The following KCNMA1 variants were observed in gnomAD, a reference collection of about 807,000 sequenced individuals.
The protein encoded by KCNMA1 is Calcium-activated potassium channel subunit alpha-1.
A neutral mutation model predicts 140.0 loss-of-function variants in KCNMA1; 29 were observed. That is an observed-to-expected ratio of 0.21 (90% CI 0.15 to 0.28). The LOEUF (loss-of-function observed/expected upper bound fraction) is 0.28, where lower values mean the gene tolerates loss of function less well. KCNMA1 is among the 10% of genes least tolerant of loss of function. The pLI is 1.00. For missense variants in KCNMA1, 880 were observed against 1,602.2 expected (o/e 0.55, Z 7.70); for synonymous variants, 612 against 611.9 (o/e 1.00, Z 0.00).
intron 1 of KCNMA1, among the ~76,000 whole-genome samples, chr10:77,599,206 C>T (rs2081876901): frequency 6.6e-6 from 1 of 152,208 alleles, no homozygotes; most frequent in Admixed American, 6.5e-5. Context: ...CTGGATAATG[C>T]AAAACCCCGC....
chr10:76,925,843 A>C (rs958943187), intron 23 of KCNMA1, among the ~76,000 whole-genome samples: 1 of 152,182 alleles, frequency 6.6e-6, no homozygotes, highest in African/African-American at 2.4e-5. Flanking sequence ...ACAGAAAATT[A>C]AGTAGCTGTA....
chr10:76,966,768 C>G (rs1193824529), intron 20 of KCNMA1, among the ~76,000 whole-genome samples: 1 of 152,176 alleles, frequency 6.6e-6, no homozygotes, highest in African/African-American at 2.4e-5. Flanking sequence ...TTGGAAGCCT[C>G]CATGGCTCAC....
intron 14 of KCNMA1, among the ~76,000 whole-genome samples, chr10:77,050,042 C>T (rs1316248201): frequency 6.6e-6 from 1 of 152,042 alleles, no homozygotes; most frequent in Non-Finnish European, 1.5e-5. Context: ...GCTAGAAGTC[C>T]TGCCTGCATT....
intron 1 of KCNMA1, among the ~76,000 whole-genome samples, chr10:77,580,961 A>C (rs1237531618): frequency 6.6e-6 from 1 of 152,230 alleles, no homozygotes; most frequent in East Asian, 1.9e-4. Context: ...TTTGCAGATG[A>C]GGAAACTGAG....
intron 9 of KCNMA1, among the ~76,000 whole-genome samples, chr10:77,100,932 A>G (rs558671143): frequency 2.6e-5 from 4 of 152,070 alleles, no homozygotes; most frequent in South Asian, 2.1e-4. Context: ...TACACAGTTC[A>G]TCTCCCACCT....
chr10:77,052,669 T>A (rs1241490547), intron 14 of KCNMA1, among the ~76,000 whole-genome samples: 3 of 151,856 alleles, frequency 2.0e-5, no homozygotes, highest in Non-Finnish European at 2.9e-5. Flanking sequence ...TAAAAATACT[T>A]GTCCAGCTTG....
intron 16 of KCNMA1, 81 bp from the exon 17 acceptor site, chr10:77,019,180 C>T (rs2092539166): frequency 2.4e-6 from 2 of 819,258 alleles, no homozygotes; most frequent in African/African-American, 1.7e-5. Context: ...CTACACCATA[C>T]TGTTGTGTTT....
intron 1 of KCNMA1, among the ~76,000 whole-genome samples, chr10:77,597,971 T>C (rs1229606782): frequency 6.6e-6 from 1 of 152,208 alleles, no homozygotes. Context: ...TTTTGTTTTG[T>C]TTTGTTTTCA....
At chr10:76,877,526 T>A (rs1318107009), downstream of KCNMA1, 1 of 400,162 alleles carries the variant, frequency 2.5e-6, no homozygotes. Flanking sequence ...ACTATTTTAG[T>A]ATGTTCATTT....
chr10:77,628,649 CAA>C (rs72518245), intron 1 of KCNMA1, among the ~76,000 whole-genome samples: 9 of 131,102 alleles, frequency 6.9e-5, no homozygotes, highest in Admixed American at 7.9e-5. Flanking sequence ...GACGGTATCT[CAA>C]AAAAAAAAAA....
chr10:76,921,775 A>C lies in KCNMA1; in HGVS notation c.2903-6726T>G, dbSNP rs751712380. ...AAGAAAATCCACACACACCAGGTTG[A>C]TTTGGGAAACAGGTTTTTGGAAATG... is the stretch of plus-strand genomic sequence containing the variant. On this transcript the variant is annotated intron_variant, in intron 23 of 27. Transcript: ENST00000286628. 3.6e-4 allele frequency among the ~76,000 whole-genome samples: 55 copies of C among 152,166 alleles called. 1 individual carries two copies. The highest frequency in any genetic ancestry group is 8.8e-5 in the Non-Finnish European group (6 of 68,016).
At chr10:76,887,614 T>C in intron 27 of KCNMA1, 99 bp from the exon 28 acceptor site, 1 of 1,390,262 alleles carries the variant, frequency 7.2e-7, no homozygotes, top group Non-Finnish European at 1.0e-6. Flanking sequence ...CTCAGGACTT[T>C]CAGAGGATCT....
At chr10:76,918,826 C>T (rs1463834394) in intron 23 of KCNMA1, among the ~76,000 whole-genome samples, 2 of 151,836 alleles carry the variant, frequency 1.3e-5, no homozygotes, top group African/African-American at 4.8e-5. Context: ...ATTGCAAAAC[C>T]ATGGAACTAA....
intron 2 of KCNMA1, among the ~76,000 whole-genome samples, chr10:77,382,962 G>GTGTA (rs2095461357): frequency 1.4e-5 from 1 of 69,826 alleles, no homozygotes; most frequent in Non-Finnish European, 2.9e-5. Context: ...ATATATACGT[G>GTGTA]TGTGTGTGTG....
At chr10:77,573,708 G>C (rs968547285) in intron 1 of KCNMA1, among the ~76,000 whole-genome samples, 2 of 140,944 alleles carry the variant, frequency 1.4e-5, no homozygotes, top group Non-Finnish European at 3.1e-5. Context: ...GAATAGAATA[G>C]AATAGAATAG....
At chr10:76,872,423 G>A (rs2031530222), downstream of KCNMA1, 1 of 152,118 alleles carries the variant, frequency 6.6e-6, no homozygotes, top group South Asian at 2.1e-4. Flanking sequence ...CTTTCAACCT[G>A]AAAAATGCAC....
chr10:77,028,809 C>G (rs187580330), intron 15 of KCNMA1, among the ~76,000 whole-genome samples: 1 of 152,080 alleles, frequency 6.6e-6, no homozygotes, highest in Non-Finnish European at 1.5e-5. Context: ...CCCACCGATA[C>G]AGAGAAGCTA....
chr10:77,204,990 C>T (rs945809874), intron 3 of KCNMA1, among the ~76,000 whole-genome samples: 1 of 152,130 alleles, frequency 6.6e-6, no homozygotes, highest in Admixed American at 6.6e-5. Context: ...CAGCCCATCA[C>T]GCTCCATGAT....
Position 77,271,414 on chromosome 10 carries a change from G to A in KCNMA1, c.541-20158C>T, listed in dbSNP as rs74462346. ...TCCTGAGTGACATGGGTGCTCTCTCGTCTCACAAAAAAGAAGCACAAGAGT... is the reference window on the plus strand; with the variant it reads ...TCCTGAGTGACATGGGTGCTCTCTCATCTCACAAAAAAGAAGCACAAGAGT... On this transcript the variant is annotated intron_variant, in intron 2 of 27. Coordinates refer to ENST00000286628, the MANE Select transcript of KCNMA1 (RefSeq NM_001161352.2). Among the ~76,000 whole-genome samples, 232 of 152,200 alleles carry A rather than the reference G, an allele frequency of 1.5e-3. 4 individuals carry two copies. In the East Asian group the frequency reaches 0.039, roughly 26 times the overall value.
Sources: allele counts gnomAD v4.1 joint callset (sites outside exome capture counted in the v4.1 genomes callset), GRCh38; gene constraint gnomAD v4.1.1; transcripts MANE v1.5; gene names NCBI Gene and HGNC (gene_info 2026-07-23, HGNC 2026-07-21).